HDAC9: variants seen among roughly 807,000 people sequenced by gnomAD.
The protein encoded by HDAC9 is histone deacetylase 9, also known as MEF-2 interacting transcription repressor (MITR) protein.
In HDAC9, 41 loss-of-function variants were observed where a neutral mutation model predicts 139.4. That is an observed-to-expected ratio of 0.29 (90% CI 0.23 to 0.38). The LOEUF (loss-of-function observed/expected upper bound fraction) is 0.38. HDAC9 is among the 10% of genes least tolerant of loss of function. The pLI, the probability that HDAC9 is intolerant of heterozygous loss-of-function variation, is 1.00. For missense variants in HDAC9, 1,147 were observed against 1,297.0 expected (o/e 0.88, Z 1.78); for synonymous variants, 517 against 476.2 (o/e 1.09, Z -1.12).
At chr7:18,256,246 G>A (rs551200555) in intron 2 of HDAC9, among the ~76,000 whole-genome samples, 9 of 152,232 alleles carry the variant, frequency 5.9e-5, no homozygotes, top group African/African-American at 2.2e-4. Context: ...TTCTGACTAC[G>A]TGGAAAGTGG....
At chr7:18,270,942 C>T (rs1796315579) in intron 2 of HDAC9, among the ~76,000 whole-genome samples, 1 of 152,136 alleles carries the variant, frequency 6.6e-6, no homozygotes, top group African/African-American at 2.4e-5. Context: ...TTCTGTGTAA[C>T]ATTGTTAATT....
At chr7:18,948,325 G>T (rs1782548994) in intron 23 of HDAC9, among the ~76,000 whole-genome samples, 1 of 151,960 alleles carries the variant, frequency 6.6e-6, no homozygotes. Context: ...TCTATTAAAA[G>T]ATGTTCATTT....
chr7:18,827,654 AC>A (rs981505568), intron 17 of HDAC9, among the ~76,000 whole-genome samples: 4 of 152,186 alleles, frequency 2.6e-5, no homozygotes, highest in African/African-American at 9.6e-5. Context: ...GTTATGCCAT[AC>A]CTTTAACCCA....
intron 2 of HDAC9, among the ~76,000 whole-genome samples, chr7:18,221,411 G>A (rs1323191187): frequency 6.6e-6 from 1 of 152,032 alleles, no homozygotes; most frequent in Non-Finnish European, 1.5e-5. Context: ...TCCTTTCTTG[G>A]AGGTGTTTCC....
At chr7:18,729,166 T>A (rs1785814841) in intron 13 of HDAC9, among the ~76,000 whole-genome samples, 3 of 152,162 alleles carry the variant, frequency 2.0e-5, no homozygotes, top group Admixed American at 1.3e-4. Context: ...AAGAATTACT[T>A]ACTCTCTATT....
intron 22 of HDAC9, among the ~76,000 whole-genome samples, chr7:18,905,813 C>A (rs1802184096): frequency 6.6e-6 from 1 of 152,144 alleles, no homozygotes; most frequent in African/African-American, 2.4e-5. Context: ...CTTCCTTCTC[C>A]CTCATCAAGT....
chr7:18,658,404 G>A (rs1791985132), intron 11 of HDAC9, among the ~76,000 whole-genome samples: 1 of 152,062 alleles, frequency 6.6e-6, no homozygotes, highest in South Asian at 2.1e-4. Context: ...CAAGTTTTGA[G>A]AACCAGAGGA....
intron 25 of HDAC9, among the ~76,000 whole-genome samples, chr7:18,992,902 A>C (rs537798858): frequency 3.3e-5 from 5 of 152,204 alleles, no homozygotes; most frequent in Admixed American, 2.0e-4. Flanking sequence ...TTGATTTTAT[A>C]GTTATCTCCG....
intron 11 of HDAC9, among the ~76,000 whole-genome samples, chr7:18,660,264 G>A (rs1428314607): frequency 6.6e-6 from 1 of 152,114 alleles, no homozygotes; most frequent in African/African-American, 2.4e-5. Flanking sequence ...AAAATAAGAA[G>A]TGTAGATTAA....
chr7:18,829,144 C>T lies in HDAC9; in HGVS notation c.2323-17C>T. The T allele has an allele frequency of 6.3e-7, 1 of 1,595,828 alleles. No individual in the cohort carries two copies. On this transcript the variant is annotated splice_polypyrimidine_tract_variant and intron_variant, in intron 17 of 25. Coordinates refer to ENST00000686413, the MANE Select transcript of HDAC9 (RefSeq NM_178425.4). Reference sequence around the variant, plus strand: ...TCCATTATATCTGACCATTGAAAACCTGTCTTGTTTTCACAGAATGGGTTT... The same window carrying T: ...TCCATTATATCTGACCATTGAAAACTTGTCTTGTTTTCACAGAATGGGTTT...
intron 1 of HDAC9, among the ~76,000 whole-genome samples, chr7:18,452,621 C>T (rs953035395): frequency 7.9e-5 from 12 of 152,174 alleles, no homozygotes; most frequent in African/African-American, 2.9e-4. Flanking sequence ...CCATAATCCC[C>T]ATATGTCATG....
chr7:18,170,796 T>C (rs1788370814), intron 2 of HDAC9, among the ~76,000 whole-genome samples: 1 of 152,150 alleles, frequency 6.6e-6, no homozygotes, highest in Non-Finnish European at 1.5e-5. Context: ...TTCTGTTCCA[T>C]TGTTCTATAT....
intron 1 of HDAC9, among the ~76,000 whole-genome samples, chr7:18,361,694 G>C (rs1783789607): frequency 6.6e-6 from 1 of 151,904 alleles, no homozygotes; most frequent in Non-Finnish European, 1.5e-5. Flanking sequence ...TTCTACTTCT[G>C]TTTAAGGAAA....
At chr7:18,531,149 A>C (rs946840755) in intron 2 of HDAC9, among the ~76,000 whole-genome samples, 1 of 152,054 alleles carries the variant, frequency 6.6e-6, no homozygotes. Context: ...AACTATACTT[A>C]CTTTATTCTT....
At chr7:18,914,009 GT>G (rs1387837979) in intron 22 of HDAC9, among the ~76,000 whole-genome samples, 2 of 151,998 alleles carry the variant, frequency 1.3e-5, no homozygotes, top group African/African-American at 4.8e-5. Context: ...TATCACCAAT[GT>G]TATAATGTTA....
intron 17 of HDAC9, among the ~76,000 whole-genome samples, chr7:18,821,490 T>C (rs114789794): frequency 0.012 from 1,795 of 152,252 alleles, 48 homozygotes; most frequent in African/African-American, 0.041. Flanking sequence ...AAAAGGCCAG[T>C]GTGGCTGCGG....
intron 1 of HDAC9, among the ~76,000 whole-genome samples, chr7:18,108,991 C>T (rs1457076390): frequency 1.3e-5 from 2 of 152,142 alleles, no homozygotes; most frequent in African/African-American, 2.4e-5. Context: ...TGAATTTGGC[C>T]TCTCTGCGAA....
chr7:18,696,559 C>T (rs1783064664), intron 12 of HDAC9, among the ~76,000 whole-genome samples: 1 of 151,420 alleles, frequency 6.6e-6, no homozygotes, highest in Non-Finnish European at 1.5e-5. Flanking sequence ...CCTCCACCTT[C>T]CGGGTTCAAG....
At chr7:18,477,808 T>C (rs1238253039) in intron 1 of HDAC9, among the ~76,000 whole-genome samples, 1 of 152,196 alleles carries the variant, frequency 6.6e-6, no homozygotes, top group East Asian at 1.9e-4. Context: ...CTTTATCTAA[T>C]GTTAACGACT....
Sources: allele counts gnomAD v4.1 joint callset (sites outside exome capture counted in the v4.1 genomes callset), GRCh38; gene constraint gnomAD v4.1.1; transcripts MANE v1.5; gene names NCBI Gene and HGNC (gene_info 2026-07-23, HGNC 2026-07-21).